Variants in OTX1 observed in about 807,000 individuals in gnomAD.
OTX1 encodes the protein orthodenticle homeobox 1.
A neutral mutation model predicts 26.7 loss-of-function variants in OTX1; 7 were observed. That is an observed-to-expected ratio of 0.26 (90% CI 0.15 to 0.49). The LOEUF (loss-of-function observed/expected upper bound fraction) is 0.49, where lower values mean the gene tolerates loss of function less well. OTX1 is among the 20% of genes least tolerant of loss of function. OTX1 has a pLI of 0.98. For missense variants in OTX1, 414 were observed against 483.8 expected, an observed-to-expected ratio of 0.86 and a Z score of 1.35; for synonymous variants, 216 against 212.8, an observed-to-expected ratio of 1.01 and a Z score of -0.13.
chr2:63,050,458 C>G (rs953291793), upstream of OTX1, among the ~76,000 whole-genome samples: 1 of 152,156 alleles, frequency 6.6e-6, no homozygotes, highest in Non-Finnish European at 1.5e-5. Flanking sequence ...TCCAGCACCT[C>G]GCCTCCTCCC....
At chr2:63,050,930 G>A (rs1224456852) in intron 1 of OTX1, 33 bp downstream of exon 1, 1 of 152,248 alleles carries the variant, frequency 6.6e-6, no homozygotes, top group Non-Finnish European at 1.5e-5. Flanking sequence ...TTTGCAAAGT[G>A]ACTCTGCAGG....
chr2:63,053,936 G>T, intron 3 of OTX1, 111 bp from the exon 4 acceptor site: 2 of 1,285,206 alleles, frequency 1.6e-6, no homozygotes, highest in Non-Finnish European at 2.1e-6. Flanking sequence ...TCCCAGTTCG[G>T]CTTTCTTTTG....
In OTX1 at chr2:63,056,180, C is replaced by A; in HGVS notation, c.929C>A (p.Ala310Asp). The A allele has an allele frequency of 6.2e-7, 1 of 1,614,046 alleles. No individual in the cohort carries two copies. The change falls in exon 5 of 5, where the codon GCC becomes GAC. Residue 310 changes from alanine to aspartate, a missense_variant. By Grantham distance (126) the Ala-to-Asp change is moderately radical. Coordinates refer to ENST00000282549, the MANE Select transcript of OTX1 (RefSeq NM_014562.4). ...HHQGYGGSGL[A>D]FNSADCLDYK... The stretch of plus-strand genomic sequence containing the variant: ...CAAGGCTACGGTGGCTCTGGGCTTG[C>A]CTTCAACTCTGCCGACTGCTTGGAT...
At position 63,056,408 on chromosome 2, in the gene OTX1, C is replaced by T. The variant is rs1360200625; in HGVS notation, c.*92C>T. ...GCTGCTGCACCGCCCGCCTTTGCCT[C>T]GTCTTCTCCAAAACTGAATTTTCAC... On this transcript the variant is annotated 3_prime_UTR_variant, in exon 5 of 5. Coordinates refer to ENST00000282549, the MANE Select transcript of OTX1 (RefSeq NM_014562.4). The T allele has an allele frequency of 4.3e-6, 5 of 1,157,810 alleles. No individual in the cohort carries two copies. The highest frequency in any genetic ancestry group is 6.2e-6 in the Non-Finnish European group (5 of 812,522). The allele number at this position is 1,157,810 out of a possible 1,614,324, so 71.7% of individuals were successfully genotyped here.
rs746928964 is a variant in OTX1 at position 63,055,918 on chromosome 2, A to T, written c.667A>T (p.Met223Leu). ...GAATAAASYPMSYGQGGSYGQ... is the reference protein window; with the variant it reads ...GAATAAASYPLSYGQGGSYGQ... ...CGCCACCGCAGCAGCCTCTTATCCC[A>T]TGTCCTACGGCCAGGGCGGCAGCTA... Residue 223 changes from methionine (M) to leucine (L), a missense_variant, in exon 5 of 5, where the codon ATG becomes TTG. Physicochemically the swap from Met to Leu is conservative, Grantham distance 15 (BLOSUM62 2). This residue lies in a region of OTX1 where 320 missense variants were observed against 347.9 expected (regional missense o/e 0.92). Coordinates refer to ENST00000282549, the MANE Select transcript of OTX1 (RefSeq NM_014562.4). The surrounding 1 kb of genome is among the most constrained non-coding windows in gnomAD (Gnocchi z 5.2). The T allele has an allele frequency of 2.5e-6, 4 of 1,612,566 alleles. No homozygotes were observed. The Admixed American group carries it at 6.7e-5, about 27-fold the overall frequency.
intron 3 of OTX1, chr2:63,053,290 A>G (rs1267190434): frequency 2.2e-6 from 1 of 445,692 alleles, no homozygotes; most frequent in Admixed American, 4.3e-5. Flanking sequence ...GGGCTGAGAA[A>G]ACGCGCAATA....
intron 2 of OTX1, among the ~76,000 whole-genome samples, chr2:63,052,595 A>T (rs904653114): frequency 6.6e-6 from 1 of 151,618 alleles, no homozygotes; most frequent in Non-Finnish European, 1.5e-5. Context: ...GAGCTTGTAC[A>T]CTCCGCGGTT....
chr2:63,053,155 T>C (rs1248949172), intron 3 of OTX1, 68 bp downstream of exon 3: 47 of 1,082,770 alleles, frequency 4.3e-5, no homozygotes, highest in Non-Finnish European at 6.2e-5. Flanking sequence ...CTGTTGGATT[T>C]GAGTGCAAGC....
At chr2:63,050,268 G>C (rs975725401), upstream of OTX1, 1 of 152,216 alleles carries the variant, frequency 6.6e-6, no homozygotes, top group Non-Finnish European at 1.5e-5. Context: ...AGCCTGCGCC[G>C]GCACGAGCAG....
chr2:63,053,046 G>T lies in OTX1; in HGVS notation c.56G>T (p.Gly19Val). The change falls in exon 3 of 5, where the codon GGG becomes GTG. Residue 19 changes from glycine (G) to valine (V), a missense_variant. By Grantham distance (109) the Gly-to-Val change is moderately radical. Around this residue, in one of 3 missense-constraint regions of OTX1, gnomAD observed 48 missense variants for 41.6 expected, o/e 1.15. Transcript: ENST00000282549. ...GGCATGAACGGGCTGGGCCTGGCCGGGCCCGCCATGGACCTCCTGCACCCA... is the reference window on the plus strand; with the variant it reads ...GGCATGAACGGGCTGGGCCTGGCCGTGCCCGCCATGGACCTCCTGCACCCA... Reference protein sequence around the residue: ...PYGMNGLGLAGPAMDLLHPSV... With the variant: ...PYGMNGLGLAVPAMDLLHPSV... 5.6e-6 allele frequency: 9 copies of T among 1,604,492 alleles called. No homozygotes were observed. The highest frequency in any genetic ancestry group is 7.7e-6 in the Non-Finnish European group (9 of 1,176,398).
At position 63,056,132 on chromosome 2, in the gene OTX1, A is replaced by C. The variant is rs1448654123; in HGVS notation, c.881A>C (p.His294Pro). ...TTGAGCCAGTCCTCAGGCCACCACC[A>C]CCACCATCACCACCACCACCACCAA... ...HPLSQSSGHH[H>P]HHHHHHHQGY... Residue 294 changes from histidine to proline, a missense_variant, in exon 5 of 5, where the codon CAC becomes CCC. Transcript: ENST00000282549. 1 of 1,613,512 alleles carries C rather than the reference A, an allele frequency of 6.2e-7. No homozygotes were observed. Among genetic ancestry groups the C allele is most frequent in the Non-Finnish European group, 8.5e-7 (1 of 1,179,894 alleles).
At chr2:63,053,265 C>A in intron 3 of OTX1, 178 bp downstream of exon 3, 1 of 493,186 alleles carries the variant, frequency 2.0e-6, no homozygotes, top group Non-Finnish European at 3.5e-6. Flanking sequence ...GAGTCGTGGG[C>A]GTGTGAGGTG....
chr2:63,056,127 CCACCACCACCAT>C lies in OTX1; in HGVS notation c.888_899del (p.His298_His301del), dbSNP rs1246993535. 11 of 1,613,844 alleles carry C rather than the reference CCACCACCACCAT, an allele frequency of 6.8e-6. No homozygotes were observed. Among genetic ancestry groups the C allele is most frequent in the African/African-American group, 1.3e-5 (1 of 74,876 alleles). ...ACCCGTTGAGCCAGTCCTCAGGCCA[CCACCACCACCAT>C]CACCACCACCACCACCAAGGCTACG... On this transcript the variant is annotated inframe_deletion, in exon 5 of 5. Transcript: ENST00000282549.
Position 63,052,981 on chromosome 2 carries a change from AGCTGTTAGCAT to A in OTX1, c.-8_3del. ...TGGATCCGTCGGGGCGCCTCCACCC[AGCTGTTAGCAT>A]GATGTCTTACCTCAAACAACCCCCA... On this transcript the variant is annotated start_lost and 5_prime_UTR_variant, in exon 3 of 5. Coordinates refer to ENST00000282549, the MANE Select transcript of OTX1 (RefSeq NM_014562.4). 6.2e-7 allele frequency: 1 copy of A among 1,605,734 alleles called. No individual in the cohort carries two copies. Among genetic ancestry groups the A allele is most frequent in the Non-Finnish European group, 8.5e-7 (1 of 1,174,836 alleles).
chr2:63,056,442 A>C lies in OTX1; in HGVS notation c.*126A>C. 9 of 854,898 alleles carry C rather than the reference A, an allele frequency of 1.1e-5. No individual in the cohort carries two copies. Among genetic ancestry groups the C allele is most frequent in the Non-Finnish European group, 1.6e-5 (9 of 561,198 alleles). 53.0% of individuals were successfully genotyped at this position (854,898 alleles called of 1,614,324 possible). On this transcript the variant is annotated 3_prime_UTR_variant, in exon 5 of 5. Transcript: ENST00000282549. ...CAAAACTGAATTTTCACCCCCCAAAAAGATGTCCATTGCCTGCACTGCCGC... is the reference window on the plus strand; with the variant it reads ...CAAAACTGAATTTTCACCCCCCAAACAGATGTCCATTGCCTGCACTGCCGC...
At position 63,056,902 on chromosome 2, in the gene OTX1, G is replaced by C. The variant is rs1334741155; in HGVS notation, c.*586G>C. On this transcript the variant is annotated 3_prime_UTR_variant, in exon 5 of 5. Transcript: ENST00000282549. ...CCGCCCCAGCGGAGTGCGCTGGGGC[G>C]CGCCAGGGCTAGGCCCGCCGGAGGA... The C allele has an allele frequency of 6.5e-6, 1 of 152,834 alleles. No individual in the cohort carries two copies. The highest frequency in any genetic ancestry group is 1.9e-4 in the East Asian group (1 of 5,180). The allele number at this position is 152,834 out of a possible 1,614,324, so 9.5% of individuals were successfully genotyped here. A position where few individuals can be genotyped will look rare whatever the true frequency, so the allele number is the denominator to read the frequency against.
rs551633967 is a variant in OTX1 at position 63,055,384 on chromosome 2, G to T, written c.250-117G>T. On this transcript the variant is annotated intron_variant, in intron 4 of 4. Coordinates refer to ENST00000282549, the MANE Select transcript of OTX1 (RefSeq NM_014562.4). The surrounding 1 kb of genome is among the most constrained non-coding windows in gnomAD (Gnocchi z 5.2). ...CAGGCCAGAGACAGGAAGGGGCGGA[G>T]GCCTCGGTGAGAAAGGATTGCGATA... 4.5e-6 allele frequency: 5 copies of T among 1,113,116 alleles called. No homozygotes were observed. The African/African-American group carries it at 6.3e-5, about 14-fold the overall frequency. The allele number at this position is 1,113,116 out of a possible 1,614,324, so 69.0% of individuals were successfully genotyped here.
In OTX1 at chr2:63,057,406, G is replaced by A. The variant is rs2062076315; in HGVS notation, c.*1090G>A. On this transcript the variant is annotated 3_prime_UTR_variant, in exon 5 of 5. Transcript: ENST00000282549. ...AGGTGGGGGTTGGGCAGGGGCGCAG[G>A]GCTGACCCCCTCACCCGGTCTAAGC... 2 of 152,170 alleles carry A rather than the reference G, an allele frequency of 1.3e-5. No homozygotes were observed. The highest frequency in any genetic ancestry group is 3.9e-4 in the East Asian group (2 of 5,184). 9.4% of individuals were successfully genotyped at this position (152,170 alleles called of 1,614,324 possible).
At position 63,053,021 on chromosome 2, in the gene OTX1, G is replaced by T; in HGVS notation, c.31G>T (p.Gly11Cys). The T allele has an allele frequency of 6.2e-7, 1 of 1,609,464 alleles. No homozygotes were observed. Among genetic ancestry groups the T allele is most frequent in the South Asian group, 1.1e-5 (1 of 91,016 alleles). Reference protein sequence around the residue: MMSYLKQPPYGMNGLGLAGPA... With the variant: MMSYLKQPPYCMNGLGLAGPA... ...GTCTTACCTCAAACAACCCCCATACGGCATGAACGGGCTGGGCCTGGCCGG... is the reference window on the plus strand; with the variant it reads ...GTCTTACCTCAAACAACCCCCATACTGCATGAACGGGCTGGGCCTGGCCGG... Residue 11 changes from glycine (G) to cysteine (C), a missense_variant, in exon 3 of 5, where the codon GGC becomes TGC. By Grantham distance (159) the Gly-to-Cys change is radical (BLOSUM62 -3). Around this residue, in one of 3 missense-constraint regions of OTX1, gnomAD observed 48 missense variants for 41.6 expected, o/e 1.15. Transcript: ENST00000282549.
Sources: allele counts gnomAD v4.1 joint callset (sites outside exome capture counted in the v4.1 genomes callset), GRCh38; gene constraint gnomAD v4.1.1; regional missense constraint gnomAD v4.1.1; non-coding constraint Gnocchi (gnomAD v3.1); transcripts MANE v1.5; gene names NCBI Gene and HGNC (gene_info 2026-07-23, HGNC 2026-07-21).